The following NELL1 variants were observed in gnomAD, a reference collection of about 807,000 sequenced individuals.
NELL1 encodes protein kinase C-binding protein NELL1.
NELL1 carries 76 observed loss-of-function variants against 107.4 expected under a neutral mutation model. That is an observed-to-expected ratio of 0.71 (90% CI 0.59 to 0.86). NELL1 has a LOEUF of 0.86. NELL1 is among the 40% of genes least tolerant of loss of function. NELL1 has a pLI of 0.00. For missense variants in NELL1, 1,024 were observed against 1,005.5 expected, an observed-to-expected ratio of 1.02 and a Z score of -0.25; for synonymous variants, 353 against 341.2, an observed-to-expected ratio of 1.03 and a Z score of -0.38.
intron 18 of NELL1, among the ~76,000 whole-genome samples, chr11:21,571,922 C>G (rs1196814479): frequency 1.3e-5 from 2 of 151,822 alleles, no homozygotes; most frequent in Admixed American, 1.3e-4. Flanking sequence ...TTTATGGGTA[C>G]TGTATGAAAA....
At chr11:21,476,793 G>C (rs986947373) in intron 15 of NELL1, among the ~76,000 whole-genome samples, 1 of 152,070 alleles carries the variant, frequency 6.6e-6, no homozygotes, top group Non-Finnish European at 1.5e-5. Context: ...ATGTACTTAG[G>C]GAAGGGAGAG....
At chr11:20,862,571 A>G (rs1237713099) in intron 4 of NELL1, among the ~76,000 whole-genome samples, 1 of 135,640 alleles carries the variant, frequency 7.4e-6, no homozygotes, top group East Asian at 2.5e-4. Flanking sequence ...CGTACAGAAT[A>G]GTTTCACTGC....
intron 14 of NELL1, among the ~76,000 whole-genome samples, chr11:21,238,289 T>C (rs1263821721): frequency 6.6e-6 from 1 of 152,076 alleles, no homozygotes; most frequent in Non-Finnish European, 1.5e-5. Context: ...TCCATAACTT[T>C]GCTTTAGTTT....
chr11:20,841,768 C>T lies in NELL1; in HGVS notation c.336-5815C>T, dbSNP rs557727165. 2.0e-5 allele frequency among the ~76,000 whole-genome samples: 3 copies of T among 151,256 alleles called. No individual in the cohort carries two copies. In the South Asian group the frequency reaches 6.2e-4, roughly 31 times the overall value. On this transcript the variant is annotated intron_variant, in intron 3 of 19. Coordinates refer to ENST00000357134, the MANE Select transcript of NELL1 (RefSeq NM_006157.5). ...TTCCCTCTGCCATACACTCTAAGAG[C>T]CTTTTGAGGAATCCTAGGGCTTTGC... is the stretch of plus-strand genomic sequence containing the variant.
intron 3 of NELL1, among the ~76,000 whole-genome samples, chr11:20,794,110 A>G (rs1857126309): frequency 6.6e-6 from 1 of 152,130 alleles, no homozygotes; most frequent in African/African-American, 2.4e-5. Context: ...TCATTTTTTC[A>G]TAGTCTCCTT....
At chr11:21,503,267 G>A (rs757400313) in intron 15 of NELL1, among the ~76,000 whole-genome samples, 3 of 152,150 alleles carry the variant, frequency 2.0e-5, no homozygotes, top group Non-Finnish European at 4.4e-5. Context: ...AAAGAGGCAG[G>A]CATAAGTATG....
intron 3 of NELL1, among the ~76,000 whole-genome samples, chr11:20,788,637 G>A (rs951006471): frequency 1.3e-5 from 2 of 150,860 alleles, no homozygotes; most frequent in African/African-American, 4.9e-5. Flanking sequence ...TTCTGTGGGC[G>A]ATCTTTTCAT....
chr11:21,076,802 G>T, intron 12 of NELL1, among the ~76,000 whole-genome samples: 1 of 152,014 alleles, frequency 6.6e-6, no homozygotes, highest in East Asian at 1.9e-4. Context: ...GTTAGAAAGA[G>T]CCTGGCACCT....
chr11:21,384,470 A>C (rs940976491), intron 15 of NELL1, among the ~76,000 whole-genome samples: 22 of 151,330 alleles, frequency 1.5e-4, no homozygotes, highest in African/African-American at 3.6e-4. Flanking sequence ...TTATACTTTA[A>C]GTTTTAGGGT....
At chr11:21,301,325 C>A (rs1010233239) in intron 14 of NELL1, among the ~76,000 whole-genome samples, 4 of 152,172 alleles carry the variant, frequency 2.6e-5, no homozygotes, top group African/African-American at 9.6e-5. Flanking sequence ...GCCACACTGT[C>A]TTCCACAATG....
At chr11:20,682,703 C>T (rs1288271723) in intron 2 of NELL1, among the ~76,000 whole-genome samples, 1 of 151,952 alleles carries the variant, frequency 6.6e-6, no homozygotes, top group African/African-American at 2.4e-5. Context: ...AGTTATCACC[C>T]AAAAAGTTTA....
intron 14 of NELL1, among the ~76,000 whole-genome samples, chr11:21,304,996 TG>T (rs1259915778): frequency 2.6e-5 from 4 of 152,078 alleles, no homozygotes. Flanking sequence ...TAAAAGAAGA[TG>T]GGACTGTAGG....
intron 2 of NELL1, among the ~76,000 whole-genome samples, chr11:20,726,711 A>G (rs1170323870): frequency 7.9e-5 from 12 of 152,054 alleles, no homozygotes; most frequent in Non-Finnish European, 1.2e-4. Context: ...CTCATCATTT[A>G]CATTAGGTAT....
rs1482871927 is a variant in NELL1, at chr11:21,246,612, C to G, written c.1549+17158C>G. Among the ~76,000 whole-genome samples, 4 of 152,120 alleles carry G rather than the reference C, an allele frequency of 2.6e-5. No homozygotes were observed. In the East Asian group the frequency reaches 7.7e-4, roughly 29 times the overall value. On this transcript the variant is annotated intron_variant, in intron 14 of 19. Transcript: ENST00000357134. ...GATATGGCCTATTTTTTCTAGGCTA[C>G]AAGCCTATATAGCATGTTACTGTAC...
At chr11:21,508,435 A>G (rs1855351030) in intron 15 of NELL1, among the ~76,000 whole-genome samples, 1 of 152,146 alleles carries the variant, frequency 6.6e-6, no homozygotes, top group African/African-American at 2.4e-5. Context: ...AGGTCAGTGA[A>G]ACAATGAGGA....
chr11:21,473,596 C>T (rs185318982), intron 15 of NELL1, among the ~76,000 whole-genome samples: 2 of 152,124 alleles, frequency 1.3e-5, no homozygotes, highest in Non-Finnish European at 2.9e-5. Context: ...AATATTCCCT[C>T]AGAACAGAGA....
At chr11:21,146,765 G>C (rs910821085) in intron 13 of NELL1, among the ~76,000 whole-genome samples, 1 of 151,968 alleles carries the variant, frequency 6.6e-6, no homozygotes. Flanking sequence ...CACTTTGGCC[G>C]GGTGCGGTGA....
chr11:21,229,295 A>G lies in NELL1; in HGVS notation c.1427-37A>G, dbSNP rs757649551. ...CCAATACCAGTAATTCCAACTTAAG[A>G]AAAAGTATTTCTCTTTTTCTCTCAC... On this transcript the variant is annotated intron_variant, in intron 13 of 19. Coordinates refer to ENST00000357134, the MANE Select transcript of NELL1 (RefSeq NM_006157.5). 9 of 1,611,668 alleles carry G rather than the reference A, an allele frequency of 5.6e-6. No individual in the cohort carries two copies. In the East Asian group the frequency reaches 2.0e-4, roughly 36 times the overall value.
At chr11:21,560,149 C>G (rs1411868721) in intron 16 of NELL1, 40 bp from the exon 17 acceptor site, 1 of 1,589,738 alleles carries the variant, frequency 6.3e-7, no homozygotes, top group African/African-American at 1.3e-5. Flanking sequence ...TCTAAGTTCC[C>G]TTGGCTAGAT....
Sources: gnomAD v4.1 joint callset for allele counts (sites outside exome capture counted in the v4.1 genomes callset) on GRCh38, gnomAD v4.1.1 for gene constraint, MANE v1.5 for transcripts, NCBI Gene and HGNC (gene_info 2026-07-23, HGNC 2026-07-21) for gene names.